Variants in NCKAP5 observed in about 807,000 individuals in gnomAD.
NCKAP5 encodes the protein NCK associated protein 5.
In NCKAP5, 92 loss-of-function variants were observed where a neutral mutation model predicts 167.0. The ratio of observed to expected loss-of-function variants is 0.55; its 90% CI spans 0.47 to 0.66. NCKAP5 has a LOEUF of 0.66. Among genes scored for constraint, NCKAP5 ranks in the 30% least tolerant of loss-of-function variants. The pLI is 0.00. For synonymous variants in NCKAP5, 891 were observed against 877.4 expected (o/e 1.02, Z -0.27); for missense variants, 2,378 against 2,315.0 (o/e 1.03, Z -0.56).
chr2:133,339,287 T>C (rs995294009), intron 3 of NCKAP5, among the ~76,000 whole-genome samples: 3 of 152,116 alleles, frequency 2.0e-5, no homozygotes, highest in Non-Finnish European at 2.9e-5. Flanking sequence ...TGGAACTTTT[T>C]CTCTTTTGAT....
At chr2:133,178,180 G>T (rs528093055) in intron 5 of NCKAP5, among the ~76,000 whole-genome samples, 1 of 152,056 alleles carries the variant, frequency 6.6e-6, no homozygotes, top group Admixed American at 6.5e-5. Flanking sequence ...CGTAGCAATA[G>T]ATGCCAGGCA....
chr2:132,941,610 A>T (rs1436600168), intron 8 of NCKAP5, among the ~76,000 whole-genome samples: 1 of 152,224 alleles, frequency 6.6e-6, no homozygotes, highest in East Asian at 1.9e-4. Flanking sequence ...AGCTAAGAAT[A>T]AGGTAAGATG....
chr2:132,785,716 T>C lies in NCKAP5; in HGVS notation c.1095A>G (p.Gln365=). The change falls in exon 14 of 20, where the codon CAA becomes CAG. Residue 365 remains glutamine (Q), a splice_region_variant and synonymous_variant. Transcript: ENST00000409261. ...WHDGKNLRKR[Q]SSQNWDKRLS... ...GCCTTTTATCCCAGTTTTGTGATGA[T>C]TGCTAGGAAAGAAAAGTAGACATCA... The C allele has an allele frequency of 6.7e-7, 1 of 1,484,716 alleles. No homozygotes were observed. The highest frequency in any genetic ancestry group is 8.9e-7 in the Non-Finnish European group (1 of 1,118,436). 92.0% of individuals were successfully genotyped at this position (1,484,716 alleles called of 1,614,324 possible).
At chr2:132,928,905 G>A (rs1285097150) in intron 8 of NCKAP5, among the ~76,000 whole-genome samples, 1 of 152,054 alleles carries the variant, frequency 6.6e-6, no homozygotes. Context: ...AGAACAGCTG[G>A]AGGCCAGGAG....
At chr2:133,090,880 C>T (rs144820503) in intron 6 of NCKAP5, among the ~76,000 whole-genome samples, 165 of 152,196 alleles carry the variant, frequency 1.1e-3, no homozygotes, top group Non-Finnish European at 2.0e-3. Flanking sequence ...CAGGTAATAC[C>T]TCGCTGATGT....
chr2:133,150,436 A>G (rs1244178230), intron 5 of NCKAP5, among the ~76,000 whole-genome samples: 1 of 152,116 alleles, frequency 6.6e-6, no homozygotes, highest in Non-Finnish European at 1.5e-5. Flanking sequence ...ACTAATATAA[A>G]GTGTTCTTTA....
intron 4 of NCKAP5, among the ~76,000 whole-genome samples, chr2:133,294,441 G>A (rs758294497): frequency 1.3e-5 from 2 of 152,114 alleles, no homozygotes; most frequent in African/African-American, 2.4e-5. Context: ...AGAGCATGTC[G>A]GCTTTTTCTT....
At chr2:132,880,030 T>C (rs2148817468) in intron 8 of NCKAP5, among the ~76,000 whole-genome samples, 1 of 152,226 alleles carries the variant, frequency 6.6e-6, no homozygotes, top group South Asian at 2.1e-4. Context: ...TCATGTTAAG[T>C]GAAATAATCT....
At chr2:133,218,065 T>C (rs2086506772) in intron 4 of NCKAP5, among the ~76,000 whole-genome samples, 1 of 152,114 alleles carries the variant, frequency 6.6e-6, no homozygotes, top group East Asian at 1.9e-4. Context: ...TCCTTTTGTA[T>C]GCAGAAAAAC....
intron 11 of NCKAP5, among the ~76,000 whole-genome samples, chr2:132,816,846 C>T (rs2105297289): frequency 6.6e-6 from 1 of 152,248 alleles, no homozygotes; most frequent in East Asian, 1.9e-4. Flanking sequence ...CCATATAATC[C>T]TTCCTGACGA....
intron 3 of NCKAP5, among the ~76,000 whole-genome samples, chr2:133,441,094 T>TCACACA (rs56053040): frequency 2.1e-4 from 31 of 149,628 alleles, no homozygotes; most frequent in African/African-American, 6.4e-4. Context: ...ACACACACAC[T>TCACACA]CACACACACA....
chr2:132,898,988 T>G (rs750342503), intron 8 of NCKAP5, among the ~76,000 whole-genome samples: 1 of 152,216 alleles, frequency 6.6e-6, no homozygotes, highest in Admixed American at 6.5e-5. Context: ...CCTTTAAAGC[T>G]TTGATGGCGG....
intron 11 of NCKAP5, among the ~76,000 whole-genome samples, chr2:132,820,474 C>T (rs749054241): frequency 9.2e-5 from 14 of 152,032 alleles, no homozygotes; most frequent in African/African-American, 2.7e-4. Context: ...GTGATCTGCC[C>T]GCCTTGGCCT....
intron 6 of NCKAP5, among the ~76,000 whole-genome samples, chr2:133,044,526 T>C (rs1055688832): frequency 6.6e-6 from 1 of 152,126 alleles, no homozygotes; most frequent in East Asian, 1.9e-4. Context: ...ACCACAATGA[T>C]ATCATGTCAC....
chr2:133,534,556 C>T (rs1001821036), intron 2 of NCKAP5, among the ~76,000 whole-genome samples: 6 of 152,166 alleles, frequency 3.9e-5, no homozygotes, highest in African/African-American at 1.4e-4. Flanking sequence ...GATTTGTCTA[C>T]TCTGGACACT....
At chr2:133,614,881 G>A in the NCKAP5 span, among the ~76,000 whole-genome samples, 1 of 152,184 alleles carries the variant, frequency 6.6e-6, no homozygotes, top group African/African-American at 2.4e-5. Context: ...AGGATAAAAT[G>A]TTAAGGGCAG....
chr2:133,033,027 C>T lies in NCKAP5; in HGVS notation c.342-38788G>A, dbSNP rs537374625. ...GCTCCTCCCACAACATTGGCAATTA[C>T]GATTAGATATGAGATTTGGTTGAAG... On this transcript the variant is annotated intron_variant, in intron 6 of 19. Coordinates refer to ENST00000409261, the MANE Select transcript of NCKAP5 (RefSeq NM_207363.3). Among the ~76,000 whole-genome samples the T allele has an allele frequency of 1.2e-4, 18 of 152,286 alleles. No homozygotes were observed. The East Asian group carries it at 1.4e-3, about 11-fold the overall frequency.
the NCKAP5 span, among the ~76,000 whole-genome samples, chr2:133,639,711 C>T: frequency 1.3e-5 from 2 of 152,062 alleles, no homozygotes; most frequent in Admixed American, 6.6e-5. Context: ...ATCTCAAAGC[C>T]CTTGAGCTCA....
chr2:133,103,855 A>G (rs1270428513), intron 6 of NCKAP5, among the ~76,000 whole-genome samples: 1 of 152,230 alleles, frequency 6.6e-6, no homozygotes, highest in Admixed American at 6.5e-5. Flanking sequence ...TCATCCCCAC[A>G]AAGTCCGAGA....
Sources: allele counts gnomAD v4.1 joint callset (sites outside exome capture counted in the v4.1 genomes callset), GRCh38; gene constraint gnomAD v4.1.1; transcripts MANE v1.5; gene names NCBI Gene and HGNC (gene_info 2026-07-23, HGNC 2026-07-21).